The following MBP variants were observed in gnomAD, a reference collection of about 807,000 sequenced individuals.
The protein encoded by MBP is myelin basic protein, also known as Golli-MBP.
Under a neutral mutation model 35.8 loss-of-function variants are expected in MBP, and 16 were observed. The ratio of observed to expected loss-of-function variants is 0.45; its 90% confidence interval spans 0.30 to 0.68. The LOEUF is 0.68. MBP is among the 30% of genes least tolerant of loss of function. The pLI is 0.08. For synonymous variants in MBP, 143 were observed against 159.6 expected (o/e 0.90, Z 0.78); for missense variants, 380 against 404.7 (o/e 0.94, Z 0.52).
At position 76,985,363 on chromosome 18, in the gene MBP, G is replaced by T. The variant is rs116723424; in HGVS notation, c.751-469C>A. On this transcript the variant is annotated intron_variant, in intron 7 of 8. Transcript: ENST00000355994. ...GCCCCGGCCTGCGCCTTTGCTGGGG[G>T]CTCCTTTTGCTGATTGATTTGCACA... is the stretch of plus-strand genomic sequence containing the variant. The T allele has an allele frequency of 1.7e-3, 2,108 of 1,270,806 alleles. 24 individuals are homozygous for T. The African/African-American group carries it at 0.029, about 17-fold the overall frequency. The allele number at this position is 1,270,806 out of a possible 1,614,324, so 78.7% of individuals were successfully genotyped here. A position where few individuals can be genotyped will look rare whatever the true frequency, so the allele number is the denominator to read the frequency against.
rs1971651272 is a variant in MBP, at chr18:77,016,557, C to T, written c.576+275G>A. The stretch of plus-strand genomic sequence containing the variant: ...TCTGCAACGCCCATGTCCAGGCACC[C>T]TTAGAGATCCAGAATTCAGCATGTC... On this transcript the variant is annotated intron_variant, in intron 4 of 8. Coordinates refer to ENST00000355994, the MANE Select transcript of MBP (RefSeq NM_001025101.2). 6.8e-6 allele frequency: 9 copies of T among 1,322,788 alleles called. No homozygotes were observed. In the South Asian group the frequency reaches 1.5e-4, roughly 23 times the overall value. The allele number at this position is 1,322,788 out of a possible 1,614,324, so 81.9% of individuals were successfully genotyped here.
In MBP at chr18:77,016,534, T is replaced by C. The variant is rs1190273550; in HGVS notation, c.576+298A>G. 2.4e-6 allele frequency: 3 copies of C among 1,251,388 alleles called. No individual in the cohort carries two copies. The East Asian group carries it at 1.1e-4, about 44-fold the overall frequency. 77.5% of individuals were successfully genotyped at this position (1,251,388 alleles called of 1,614,324 possible). On this transcript the variant is annotated intron_variant, in intron 4 of 8. Coordinates refer to ENST00000355994, the MANE Select transcript of MBP (RefSeq NM_001025101.2). ...GACCCTGAGAATGTGGCTCTCTTTC[T>C]GCAACGCCCATGTCCAGGCACCCTT...
At position 77,078,623 on chromosome 18, in the gene MBP, C is replaced by A. The variant is rs183791358; in HGVS notation, c.52-12238G>T. ...GGATATGGCTGGAGCCTGGAGAACT[C>A]ATTTCTCTGGAAGTTGTCACATGAG... On this transcript the variant is annotated intron_variant, in intron 2 of 8. Transcript: ENST00000355994. Among the ~76,000 whole-genome samples, 1,039 of 152,346 alleles carry A rather than the reference C, an allele frequency of 6.8e-3. 5 individuals carry two copies. Among genetic ancestry groups the A allele is most frequent in the Non-Finnish European group, 9.9e-3 (674 of 68,030 alleles).
chr18:76,999,610 T>C (rs79348829), intron 4 of MBP, among the ~76,000 whole-genome samples: 3,511 of 152,082 alleles, frequency 0.023, 78 homozygotes, highest in African/African-American at 0.066. Flanking sequence ...TGCACCACCA[T>C]ACCTGGCTAA....
chr18:77,023,636 C>T (rs76602092), intron 3 of MBP, among the ~76,000 whole-genome samples: 3,408 of 152,288 alleles, frequency 0.022, 48 homozygotes, highest in Non-Finnish European at 0.029. Flanking sequence ...ACACACTCCT[C>T]TCTCTGCCAT....
At chr18:77,009,832 A>ACCCGCATGAGACACGC (rs1599053451) in intron 4 of MBP, 1 of 1,557,910 alleles carries the variant, frequency 6.4e-7, no homozygotes, top group Non-Finnish European at 8.7e-7. Flanking sequence ...ATGGGTGAGG[A>ACCCGCATGAGACACGC]CCCGCCGGCG....
chr18:76,985,627 G>A, intron 7 of MBP: 1 of 1,059,144 alleles, frequency 9.4e-7, no homozygotes, highest in Non-Finnish European at 1.1e-6. Flanking sequence ...GCTGGCACGG[G>A]GGGCGGCCGC....
At position 77,017,094 on chromosome 18, in the gene MBP, T is replaced by C. The variant is rs781546133; in HGVS notation, c.314A>G (p.Asn105Ser). The C allele has an allele frequency of 6.2e-7, 1 of 1,603,804 alleles. No individual in the cohort carries two copies. Among genetic ancestry groups the C allele is most frequent in the Non-Finnish European group, 8.5e-7 (1 of 1,171,996 alleles). The change falls in exon 4 of 9, where the codon AAC (asparagine) becomes AGC (serine). Residue 105 changes from asparagine to serine, a missense_variant. Physicochemically the swap from Asn to Ser is conservative, Grantham distance 46 (BLOSUM62 1). Transcript: ENST00000355994. ...CTCAGAGGGCCTGTCTTTGAAGGTG[T>C]TGTCCTCCCTCCCCGGGGCATCTCG... ...FSRDAPGRED[N>S]TFKDRPSESD...
chr18:77,095,607 T>C (rs374967309), intron 2 of MBP: 10 of 152,172 alleles, frequency 6.6e-5, no homozygotes, highest in African/African-American at 2.4e-4. Context: ...CAAGAGGAAG[T>C]GTAAGGGAGG....
At chr18:76,986,143 AC>A in intron 7 of MBP, 2 of 985,582 alleles carry the variant, frequency 2.0e-6, no homozygotes, top group Non-Finnish European at 2.4e-6. Flanking sequence ...AAGGCTGACC[AC>A]GCTGTTAGCT....
intron 2 of MBP, among the ~76,000 whole-genome samples, chr18:77,091,417 T>A (rs1399114493): frequency 6.6e-6 from 1 of 152,202 alleles, no homozygotes; most frequent in Non-Finnish European, 1.5e-5. Flanking sequence ...TATAATTATA[T>A]GATAATTACA....
intron 2 of MBP, among the ~76,000 whole-genome samples, chr18:77,077,065 A>G (rs1253480820): frequency 1.3e-5 from 2 of 152,160 alleles, no homozygotes; most frequent in African/African-American, 4.8e-5. Context: ...TTGGTATAAA[A>G]TTAAAATAAA....
Position 77,025,976 on chromosome 18 carries a change from G to A in MBP, c.140-8708C>T, listed in dbSNP as rs370305510. On this transcript the variant is annotated intron_variant, in intron 3 of 8. Transcript: ENST00000355994. Reference sequence around the variant, plus strand: ...CCTTCTCCCCATGCCCTGCGGCACCGTGAGTGCATCGCTCATCCCGCTCGC... The same window carrying A: ...CCTTCTCCCCATGCCCTGCGGCACCATGAGTGCATCGCTCATCCCGCTCGC... Among the ~76,000 whole-genome samples, 177 of 152,304 alleles carry A rather than the reference G, an allele frequency of 1.2e-3. 1 individual carries two copies. The highest frequency in any genetic ancestry group is 8.3e-3 in the East Asian group (43 of 5,176).
At chr18:76,981,738 G>A (rs923981161) in intron 8 of MBP, 6 of 152,258 alleles carry the variant, frequency 3.9e-5, no homozygotes, top group East Asian at 1.9e-4. Flanking sequence ...CCTGCCCCTC[G>A]AGGGCCAGCC....
intron 3 of MBP, among the ~76,000 whole-genome samples, chr18:77,057,922 G>A (rs1297178758): frequency 1.9e-3 from 29 of 15,480 alleles, no homozygotes; most frequent in African/African-American, 4.8e-3. Flanking sequence ...CGCCTCCCGG[G>A]TTCACGCCAT....
rs986556313 is a variant in MBP, at chr18:77,078,699, C to T, written c.52-12314G>A. Among the ~76,000 whole-genome samples, 9 of 152,244 alleles carry T rather than the reference C, an allele frequency of 5.9e-5. No homozygotes were observed. The South Asian group carries it at 6.2e-4, about 10-fold the overall frequency. ...ACTCCAGAGTTGGAGAGAGCAGATC[C>T]GCAGAGTGGGGGCACATTCCTGACA... On this transcript the variant is annotated intron_variant, in intron 2 of 8. Transcript: ENST00000355994.
At chr18:77,103,398 G>A (rs1976123640) in intron 2 of MBP, among the ~76,000 whole-genome samples, 1 of 152,184 alleles carries the variant, frequency 6.6e-6, no homozygotes, top group East Asian at 1.9e-4. Flanking sequence ...GGACATTCTA[G>A]TGCACCACCA....
At chr18:77,077,234 C>T (rs1402098024) in intron 2 of MBP, among the ~76,000 whole-genome samples, 2 of 151,346 alleles carry the variant, frequency 1.3e-5, no homozygotes, top group Non-Finnish European at 2.9e-5. Flanking sequence ...TGGTGGTGGG[C>T]ACCTGTAATC....
intron 4 of MBP, chr18:77,003,997 A>C (rs5826489): frequency 0.85 from 129,228 of 151,860 alleles, 55,037 homozygotes; most frequent in African/African-American, 0.86. Context: ...GGAAACTGGA[A>C]CCAGCAGCTA....
Sources: allele counts gnomAD v4.1 joint callset (sites outside exome capture counted in the v4.1 genomes callset), GRCh38; gene constraint gnomAD v4.1.1; transcripts MANE v1.5; gene names NCBI Gene and HGNC (gene_info 2026-07-23, HGNC 2026-07-21).